The following WDR41 variants were observed in gnomAD, a reference collection of about 807,000 sequenced individuals.
WDR41 encodes the protein WD repeat domain 41.
A neutral mutation model predicts 69.3 loss-of-function variants in WDR41; 63 were observed. That is an observed-to-expected ratio of 0.91 (90% CI 0.74 to 1.12). WDR41 has a LOEUF of 1.12. Among genes scored for constraint, WDR41 ranks in the 50% most tolerant of loss-of-function variants. WDR41 has a pLI of 0.00. For missense variants in WDR41, 543 were observed against 534.5 expected, an observed-to-expected ratio of 1.02 and a Z score of -0.16; for synonymous variants, 185 against 192.1, an observed-to-expected ratio of 0.96 and a Z score of 0.31.
At chr5:77,609,691 A>G (rs1425957515) in intron 1 of WDR41, among the ~76,000 whole-genome samples, 1 of 152,006 alleles carries the variant, frequency 6.6e-6, no homozygotes. Context: ...AGTAGATAAA[A>G]CCACAAAGAT....
chr5:77,522,566 G>A (rs573459380), intron 1 of WDR41, among the ~76,000 whole-genome samples: 4 of 152,106 alleles, frequency 2.6e-5, no homozygotes, highest in Non-Finnish European at 5.9e-5. Context: ...CTTGAACCCG[G>A]GAGGCAGAGG....
At chr5:77,487,674 C>G (rs963688067) in intron 2 of WDR41, among the ~76,000 whole-genome samples, 11 of 152,116 alleles carry the variant, frequency 7.2e-5, no homozygotes, top group African/African-American at 2.2e-4. Context: ...TCCCTTGGAC[C>G]ACACCTAAGT....
chr5:77,600,191 C>G (rs2112322723), intron 1 of WDR41, among the ~76,000 whole-genome samples: 2 of 152,266 alleles, frequency 1.3e-5, no homozygotes, highest in East Asian at 3.9e-4. Context: ...TCAAGTCTTA[C>G]CAATATAATC....
At chr5:77,608,257 T>C (rs1744464928) in intron 1 of WDR41, among the ~76,000 whole-genome samples, 1 of 152,214 alleles carries the variant, frequency 6.6e-6, no homozygotes, top group East Asian at 1.9e-4. Context: ...AATTTCCTTC[T>C]TTTTAAGGCC....
intron 1 of WDR41, among the ~76,000 whole-genome samples, chr5:77,580,887 C>T (rs925496195): frequency 3.3e-5 from 5 of 151,602 alleles, no homozygotes; most frequent in Non-Finnish European, 5.9e-5. Context: ...ACTTGGGAGG[C>T]GAAGCTTGCA....
intron 3 of WDR41, among the ~76,000 whole-genome samples, chr5:77,463,617 A>C (rs548188212): frequency 6.6e-6 from 1 of 152,306 alleles, no homozygotes; most frequent in East Asian, 1.9e-4. Context: ...ATAGAAGAAA[A>C]TAAAAGTCAC....
chr5:77,470,800 G>T (rs1800558515), intron 2 of WDR41, among the ~76,000 whole-genome samples: 1 of 152,160 alleles, frequency 6.6e-6, no homozygotes, highest in African/African-American at 2.4e-5. Context: ...GACCTAGAAA[G>T]AGACTTAGAC....
At chr5:77,458,889 A>G (rs1013615267) in intron 5 of WDR41, 173 bp downstream of exon 5, 1 of 486,134 alleles carries the variant, frequency 2.1e-6, no homozygotes, top group Non-Finnish European at 3.7e-6. Flanking sequence ...ACATTCTAAC[A>G]CTTAATACAT....
intron 2 of WDR41, among the ~76,000 whole-genome samples, chr5:77,467,536 G>T (rs1800358947): frequency 6.6e-6 from 1 of 151,918 alleles, no homozygotes. Context: ...ATTATATGAT[G>T]TGTCCAAATT....
chr5:77,492,441 C>A, upstream of WDR41: 2 of 497,392 alleles, frequency 4.0e-6, no homozygotes, highest in South Asian at 8.9e-5. Flanking sequence ...TTTGGGCAGT[C>A]GCTTGGGGTG....
chr5:77,595,046 T>C (rs1480129595), intron 1 of WDR41, among the ~76,000 whole-genome samples: 1 of 152,204 alleles, frequency 6.6e-6, no homozygotes, highest in Non-Finnish European at 1.5e-5. Flanking sequence ...CATTTTTTAA[T>C]TTGAGAGCCT....
chr5:77,532,172 C>T (rs1802537165), intron 1 of WDR41, among the ~76,000 whole-genome samples: 1 of 152,022 alleles, frequency 6.6e-6, no homozygotes, highest in East Asian at 1.9e-4. Context: ...TTAGAAGGTT[C>T]TAAATGCTAA....
At chr5:77,531,358 C>T (rs557173019) in intron 1 of WDR41, among the ~76,000 whole-genome samples, 1 of 151,976 alleles carries the variant, frequency 6.6e-6, no homozygotes, top group African/African-American at 2.4e-5. Flanking sequence ...CTTGAATAAA[C>T]GTTTTTCCAA....
intron 2 of WDR41, among the ~76,000 whole-genome samples, chr5:77,471,813 G>T (rs1329157913): frequency 2.0e-5 from 3 of 152,048 alleles, no homozygotes; most frequent in Admixed American, 6.6e-5. Flanking sequence ...AAAAATCCAG[G>T]ACCAGATGGA....
At chr5:77,489,670 T>A in intron 1 of WDR41, 98 bp from the exon 2 acceptor site, 1 of 618,232 alleles carries the variant, frequency 1.6e-6, no homozygotes, top group East Asian at 2.8e-5. Flanking sequence ...ATGGTATACA[T>A]CTGAGAACAC....
chr5:77,580,166 T>G (rs1743910656), intron 1 of WDR41, among the ~76,000 whole-genome samples: 1 of 152,178 alleles, frequency 6.6e-6, no homozygotes, highest in Admixed American at 6.5e-5. Flanking sequence ...ATATGGTGTA[T>G]TAGTTTGTTC....
In WDR41 at chr5:77,438,307, G is replaced by A. The variant is rs150464684; in HGVS notation, c.937C>T (p.Arg313Cys). 561 of 1,614,024 alleles carry A rather than the reference G, an allele frequency of 3.5e-4. 3 individuals carry two copies. In the African/African-American group the frequency reaches 4.9e-3, roughly 14 times the overall value. The part of the protein sequence containing the change: ...GLYVYSLQMK[R>C]VIACQKTAHD... ...GCAGTTTTCTGGCAGGCAATCACACGCTTCATTTGAAGGCTATACACGTAT... is the reference window on the plus strand; with the variant it reads ...GCAGTTTTCTGGCAGGCAATCACACACTTCATTTGAAGGCTATACACGTAT... Residue 313 changes from arginine (R) to cysteine (C), a missense_variant, in exon 10 of 13, where the codon CGT (arginine) becomes TGT (cysteine). Arg to Cys is a radical substitution (Grantham distance 180, BLOSUM62 -3). Transcript: ENST00000296679.
chr5:77,589,850 A>G (rs1261989205), intron 1 of WDR41, among the ~76,000 whole-genome samples: 1 of 152,156 alleles, frequency 6.6e-6, no homozygotes, highest in African/African-American at 2.4e-5. Flanking sequence ...CTAAGACTTC[A>G]GTACAATTCT....
At chr5:77,452,550 A>C (rs1295146789) in intron 6 of WDR41, 1 of 152,214 alleles carries the variant, frequency 6.6e-6, no homozygotes, top group Non-Finnish European at 1.5e-5. Flanking sequence ...AAGCTCCACC[A>C]GTCCATAAAT....
Sources: gnomAD v4.1 joint callset for allele counts (sites outside exome capture counted in the v4.1 genomes callset) on GRCh38, gnomAD v4.1.1 for gene constraint, MANE v1.5 for transcripts, NCBI Gene and HGNC (gene_info 2026-07-23, HGNC 2026-07-21) for gene names.